Variants in RCAN2 observed in about 807,000 individuals in gnomAD.
The protein encoded by RCAN2 is calcipressin-2.
A neutral mutation model predicts 23.6 loss-of-function variants in RCAN2; 9 were observed. That is an observed-to-expected ratio of 0.38 (90% CI 0.23 to 0.67). The LOEUF is 0.67. RCAN2 is among the 30% of genes least tolerant of loss of function. The pLI is 0.51. For missense variants in RCAN2, 273 were observed against 302.3 expected (o/e 0.90, Z 0.72); for synonymous variants, 109 against 115.7 (o/e 0.94, Z 0.37).
At chr6:46,470,474 G>A (rs1768528479) in intron 1 of RCAN2, among the ~76,000 whole-genome samples, 2 of 152,176 alleles carry the variant, frequency 1.3e-5, no homozygotes, top group African/African-American at 4.8e-5. Context: ...TATTAAAGAT[G>A]AGAAACATTA....
At chr6:46,245,778 G>A (rs1766491763) in intron 4 of RCAN2, among the ~76,000 whole-genome samples, 1 of 151,948 alleles carries the variant, frequency 6.6e-6, no homozygotes, top group African/African-American at 2.4e-5. Flanking sequence ...CTTGGGGTGG[G>A]GTCAGGCATT....
chr6:46,273,296 T>G (rs1158356515), intron 2 of RCAN2, among the ~76,000 whole-genome samples: 3 of 152,236 alleles, frequency 2.0e-5, no homozygotes. Flanking sequence ...GAATTCACAA[T>G]TTCTCTGCTC....
chr6:46,295,510 A>T (rs573843111), intron 2 of RCAN2, among the ~76,000 whole-genome samples: 1 of 152,270 alleles, frequency 6.6e-6, no homozygotes, highest in East Asian at 1.9e-4. Context: ...GTCAAGAAGT[A>T]GAGAGGGGTC....
intron 2 of RCAN2, among the ~76,000 whole-genome samples, chr6:46,428,746 G>GT (rs1231540798): frequency 6.6e-6 from 1 of 152,096 alleles, no homozygotes. Context: ...TTGAGGGCTT[G>GT]TTTTTTTAAT....
intron 2 of RCAN2, among the ~76,000 whole-genome samples, chr6:46,269,989 T>G (rs1028280540): frequency 6.6e-6 from 1 of 152,140 alleles, no homozygotes; most frequent in African/African-American, 2.4e-5. Flanking sequence ...TAAGGGCTAT[T>G]CTCATGCAGG....
intron 2 of RCAN2, among the ~76,000 whole-genome samples, chr6:46,443,608 G>T (rs1295698167): frequency 2.0e-5 from 3 of 151,450 alleles, no homozygotes; most frequent in African/African-American, 7.3e-5. Flanking sequence ...TTATTCACTC[G>T]GCTTGCTAAA....
chr6:46,308,277 C>T (rs1430651909), intron 2 of RCAN2, among the ~76,000 whole-genome samples: 1 of 152,114 alleles, frequency 6.6e-6, no homozygotes, highest in Non-Finnish European at 1.5e-5. Context: ...CAGAGGCTGG[C>T]AAGTAGTAAA....
intron 2 of RCAN2, among the ~76,000 whole-genome samples, chr6:46,443,866 C>T (rs2150424282): frequency 6.6e-6 from 1 of 152,324 alleles, no homozygotes; most frequent in East Asian, 1.9e-4. Context: ...AATTCAGACA[C>T]AGTGATGCAC....
chr6:46,222,956 G>T lies in RCAN2; in HGVS notation c.*185C>A. On this transcript the variant is annotated 3_prime_UTR_variant, in exon 5 of 5. Transcript: ENST00000371374. ...TTCTAAATAATGGGTTATACTTAAT[G>T]GGTATGATATGATCAGGAGACATAT... The T allele has an allele frequency of 1.6e-6, 1 of 620,904 alleles. No homozygotes were observed. The highest frequency in any genetic ancestry group is 2.9e-6 in the Non-Finnish European group (1 of 349,364). The allele number at this position is 620,904 out of a possible 1,614,324, so 38.5% of individuals were successfully genotyped here.
At chr6:46,241,195 G>A (rs1766294372) in intron 4 of RCAN2, among the ~76,000 whole-genome samples, 1 of 152,164 alleles carries the variant, frequency 6.6e-6, no homozygotes, top group Non-Finnish European at 1.5e-5. Context: ...AAGCTATTTT[G>A]CCAGGCTGGG....
chr6:46,388,906 A>G (rs1244551335), intron 2 of RCAN2, among the ~76,000 whole-genome samples: 2 of 152,178 alleles, frequency 1.3e-5, no homozygotes, highest in Admixed American at 1.3e-4. Flanking sequence ...TGGCACGCGT[A>G]TACCTATGTA....
chr6:46,408,368 G>A (rs914953591), intron 2 of RCAN2, among the ~76,000 whole-genome samples: 4 of 152,142 alleles, frequency 2.6e-5, no homozygotes, highest in African/African-American at 4.8e-5. Context: ...ACAGCAACAC[G>A]GGTTCTCTTT....
At chr6:46,379,300 G>A (rs1221294183) in intron 2 of RCAN2, among the ~76,000 whole-genome samples, 2 of 152,082 alleles carry the variant, frequency 1.3e-5, no homozygotes. Flanking sequence ...GACATGAGAT[G>A]CCAGTCTCTG....
Position 46,387,306 on chromosome 6 carries a change from T to C in RCAN2, c.225+69446A>G, listed in dbSNP as rs903593673. Among the ~76,000 whole-genome samples, 628 of 152,076 alleles carry C rather than the reference T, an allele frequency of 4.1e-3. 1 individual carries two copies. Among genetic ancestry groups the C allele is most frequent in the Non-Finnish European group, 6.7e-3 (455 of 67,980 alleles). On this transcript the variant is annotated intron_variant, in intron 2 of 4. Coordinates refer to ENST00000371374, the MANE Select transcript of RCAN2 (RefSeq NM_001251974.2). ...ACAGCAAAAGAAACTACCATCAGAG[T>C]GAACGGGCAACCTACAGAATGGGAG...
chr6:46,272,500 T>C (rs1219861316), intron 2 of RCAN2, among the ~76,000 whole-genome samples: 1 of 152,256 alleles, frequency 6.6e-6, no homozygotes, highest in Non-Finnish European at 1.5e-5. Flanking sequence ...GGTAGGTTTA[T>C]AGAGGTTTAT....
chr6:46,301,620 T>G (rs1762905800), intron 2 of RCAN2, among the ~76,000 whole-genome samples: 1 of 152,084 alleles, frequency 6.6e-6, no homozygotes. Flanking sequence ...AATTAACAAA[T>G]AGGAATATAT....
chr6:46,262,427 C>T (rs1767141263), intron 2 of RCAN2, among the ~76,000 whole-genome samples: 1 of 152,150 alleles, frequency 6.6e-6, no homozygotes, highest in Middle Eastern at 3.4e-3. Flanking sequence ...AAAAATCAAC[C>T]TTGGAAGCCT....
chr6:46,451,928 G>A (rs1476424810), intron 2 of RCAN2, among the ~76,000 whole-genome samples: 1 of 152,158 alleles, frequency 6.6e-6, no homozygotes, highest in Non-Finnish European at 1.5e-5. Flanking sequence ...CATGTGTGAT[G>A]TGTGTATGTC....
At chr6:46,411,870 T>C (rs1241103759) in intron 2 of RCAN2, among the ~76,000 whole-genome samples, 2 of 152,140 alleles carry the variant, frequency 1.3e-5, no homozygotes, top group African/African-American at 4.8e-5. Context: ...GTCTGAAAGA[T>C]TGGCAGGTAT....
Sources: gnomAD v4.1 joint callset for allele counts (sites outside exome capture counted in the v4.1 genomes callset) on GRCh38, gnomAD v4.1.1 for gene constraint, MANE v1.5 for transcripts, NCBI Gene and HGNC (gene_info 2026-07-23, HGNC 2026-07-21) for gene names.